Variants in PALLD observed in about 807,000 individuals in gnomAD.
The protein encoded by PALLD is palladin, cytoskeletal associated protein.
In PALLD, 61 loss-of-function variants were observed where a neutral mutation model predicts 123.5. The observed-to-expected ratio is 0.49, with a 90% CI of 0.40 to 0.61. The LOEUF is 0.61. Ranked by LOEUF, PALLD falls within the 20% of genes least tolerant of loss-of-function variation. The pLI is 0.00. For synonymous variants in PALLD, 465 were observed against 496.4 expected (o/e 0.94, Z 0.84); for missense variants, 1,273 against 1,377.0 (o/e 0.92, Z 1.20).
At chr4:168,663,863 G>T (rs1355078756) in intron 2 of PALLD, among the ~76,000 whole-genome samples, 1 of 152,232 alleles carries the variant, frequency 6.6e-6, no homozygotes, top group Non-Finnish European at 1.5e-5. Flanking sequence ...TAAAAAAAAT[G>T]CAATTTTTAA....
At chr4:168,805,848 C>G (rs1305169550) in intron 10 of PALLD, among the ~76,000 whole-genome samples, 2 of 152,058 alleles carry the variant, frequency 1.3e-5, no homozygotes, top group Non-Finnish European at 2.9e-5. Flanking sequence ...GATTTGTATC[C>G]CATGTACCTG....
intron 10 of PALLD, among the ~76,000 whole-genome samples, chr4:168,820,396 T>C (rs1312665267): frequency 6.6e-6 from 1 of 152,200 alleles, no homozygotes; most frequent in African/African-American, 2.4e-5. Context: ...CAATTAAAAC[T>C]AGTAACAATT....
chr4:168,764,624 A>T (rs1266384473), intron 10 of PALLD, among the ~76,000 whole-genome samples: 1 of 152,092 alleles, frequency 6.6e-6, no homozygotes, highest in East Asian at 1.9e-4. Context: ...AATCCCTCTC[A>T]GTATGTTTAT....
At chr4:168,618,181 A>G (rs1461271931) in intron 2 of PALLD, among the ~76,000 whole-genome samples, 2 of 152,212 alleles carry the variant, frequency 1.3e-5, no homozygotes, top group Non-Finnish European at 2.9e-5. Context: ...TTATACTCTA[A>G]GCCTCAGTTT....
In PALLD at chr4:168,736,101, A is replaced by G. The variant is rs150038946; in HGVS notation, c.1964+24178A>G. On this transcript the variant is annotated intron_variant, in intron 10 of 21. Transcript: ENST00000505667. ...GTGGCAGAGCTTGGGCAGCAATGCAAAGTCTTCCTGTGACCACATCTTTAA... is the reference window on the plus strand; with the variant it reads ...GTGGCAGAGCTTGGGCAGCAATGCAGAGTCTTCCTGTGACCACATCTTTAA... Among the ~76,000 whole-genome samples the G allele has an allele frequency of 6.0e-4, 92 of 152,338 alleles. No individual in the cohort carries two copies. In the East Asian group the frequency reaches 0.014, roughly 24 times the overall value.
rs34003798 is a variant in PALLD, at chr4:168,816,413, A to ATATATATT, written c.1965-74508_1965-74507insATATATTT. ...TGTATATATATATATATATATATATATTTTTTTTAAGTATTAGATTGGAGT... is the reference window on the plus strand; with the variant it reads ...TGTATATATATATATATATATATATATATATATTTTTTTTTTAAGTATTAGATTGGAGT... On this transcript the variant is annotated intron_variant, in intron 10 of 21. Transcript: ENST00000505667. Among the ~76,000 whole-genome samples the ATATATATT allele has an allele frequency of 3.0e-4, 41 of 136,000 alleles. 1 individual carries two copies. The highest frequency in any genetic ancestry group is 1.8e-4 in the Non-Finnish European group (12 of 65,820). The allele number at this position is 136,000 out of a possible 152,430, so 89.2% of individuals were successfully genotyped here. A position where few individuals can be genotyped will look rare whatever the true frequency, so the allele number is the denominator to read the frequency against.
chr4:168,554,121 G>T (rs1422797703), intron 2 of PALLD, among the ~76,000 whole-genome samples: 1 of 152,146 alleles, frequency 6.6e-6, no homozygotes, highest in East Asian at 1.9e-4. Context: ...CCTTCGGCTT[G>T]TACATGAAGC....
rs1762580055 is a variant in PALLD at position 168,512,126 on chromosome 4, A to G, written c.622A>G (p.Lys208Glu). 4 of 1,614,192 alleles carry G rather than the reference A, an allele frequency of 2.5e-6. No individual in the cohort carries two copies. The highest frequency in any genetic ancestry group is 1.6e-4 in the Middle Eastern group (1 of 6,062). ...SSPDSGYLSPKNQPSALLSAS... is the reference protein window; with the variant it reads ...SSPDSGYLSPENQPSALLSAS... Reference sequence around the variant, plus strand: ...ACCAGACAGTGGGTACCTGTCTCCTAAAAATCAGCCGTCAGCCCTGCTGAG... The same window carrying G: ...ACCAGACAGTGGGTACCTGTCTCCTGAAAATCAGCCGTCAGCCCTGCTGAG... Residue 208 changes from lysine to glutamate, a missense_variant, in exon 2 of 22, where the codon AAA becomes GAA. This residue lies in a region of PALLD where 944 missense variants were observed against 954.5 expected (regional missense o/e 0.99). Transcript: ENST00000505667.
chr4:168,658,291 T>G (rs1778795685), intron 2 of PALLD, among the ~76,000 whole-genome samples: 2 of 148,798 alleles, frequency 1.3e-5, no homozygotes, highest in East Asian at 1.9e-4. Flanking sequence ...TTTGGTTTTT[T>G]TTTTTTTTTT....
chr4:168,793,518 GGTAGAGA>G (rs1466843629), intron 10 of PALLD, among the ~76,000 whole-genome samples: 1 of 151,748 alleles, frequency 6.6e-6, no homozygotes, highest in African/African-American at 2.4e-5. Context: ...CAGAAAGAAG[GGTAGAGA>G]GTATTTAAGT....
At chr4:168,653,064 C>T (rs1294781626) in intron 2 of PALLD, among the ~76,000 whole-genome samples, 1 of 152,180 alleles carries the variant, frequency 6.6e-6, no homozygotes, top group Non-Finnish European at 1.5e-5. Context: ...CTTGAATTTT[C>T]TTTACAACAC....
chr4:168,813,028 A>C (rs113673539), intron 10 of PALLD, among the ~76,000 whole-genome samples: 1,880 of 152,190 alleles, frequency 0.012, 33 homozygotes, highest in African/African-American at 0.043. Flanking sequence ...GATGGTTGGA[A>C]TGCTGCTGCA....
At chr4:168,684,350 T>A (rs1781826304) in intron 5 of PALLD, among the ~76,000 whole-genome samples, 1 of 152,134 alleles carries the variant, frequency 6.6e-6, no homozygotes, top group Non-Finnish European at 1.5e-5. Context: ...GTTGGGAGAA[T>A]GAAGCACCCA....
At chr4:168,916,673 A>AT (rs1202932421) in intron 17 of PALLD, among the ~76,000 whole-genome samples, 1 of 136,580 alleles carries the variant, frequency 7.3e-6, no homozygotes, top group African/African-American at 2.6e-5. Flanking sequence ...TATTCCTCCC[A>AT]TTTTCTAATT....
intron 10 of PALLD, among the ~76,000 whole-genome samples, chr4:168,861,757 T>C (rs978000329): frequency 2.6e-5 from 4 of 152,012 alleles, no homozygotes; most frequent in South Asian, 2.1e-4. Context: ...CTGAGCCCAG[T>C]TGATCCTCCC....
intron 10 of PALLD, chr4:168,864,020 A>G (rs1297145818): frequency 6.6e-6 from 1 of 152,234 alleles, no homozygotes; most frequent in Non-Finnish European, 1.5e-5. Flanking sequence ...TATATTCTGT[A>G]TTAGTTTTAA....
rs4533723 is a variant in PALLD, at chr4:168,863,928, T to A, written c.1965-26994T>A. 9 of 152,360 alleles carry A rather than the reference T, an allele frequency of 5.9e-5. No individual in the cohort carries two copies. The East Asian group carries it at 1.7e-3, about 29-fold the overall frequency. The allele number at this position is 152,360 out of a possible 1,614,324, so 9.4% of individuals were successfully genotyped here. A position where few individuals can be genotyped will look rare whatever the true frequency, so the allele number is the denominator to read the frequency against. The stretch of plus-strand genomic sequence containing the variant: ...CTCCTTGTGCTTCTGAGATTAGAGA[T>A]ACGCTTTTCTTTACGGGTGGCCACA... On this transcript the variant is annotated intron_variant, in intron 10 of 21. Transcript: ENST00000505667.
chr4:168,926,248 A>G lies in PALLD; in HGVS notation c.*68A>G. 3 of 1,536,542 alleles carry G rather than the reference A, an allele frequency of 2.0e-6. No individual in the cohort carries two copies. Among genetic ancestry groups the G allele is most frequent in the Non-Finnish European group, 2.6e-6 (3 of 1,146,496 alleles). On this transcript the variant is annotated 3_prime_UTR_variant, in exon 22 of 22. Transcript: ENST00000505667. ...TCAGCAGTCACAGAGCACCAAGCCA[A>G]AAAAAGTACGGCCCTCAGCCAGTCG...
At chr4:168,753,019 T>G (rs541304623) in intron 10 of PALLD, among the ~76,000 whole-genome samples, 35 of 152,100 alleles carry the variant, frequency 2.3e-4, no homozygotes, top group African/African-American at 8.4e-4. Context: ...TAAACTATAT[T>G]AAGAGTACAT....
Sources: allele counts gnomAD v4.1 joint callset (sites outside exome capture counted in the v4.1 genomes callset), GRCh38; gene constraint gnomAD v4.1.1; regional missense constraint gnomAD v4.1.1; transcripts MANE v1.5; gene names NCBI Gene and HGNC (gene_info 2026-07-23, HGNC 2026-07-21).